The following OR4K1 variants were observed in gnomAD, a reference collection of about 807,000 sequenced individuals.
The protein encoded by OR4K1 is olfactory receptor 4K1.
Under a neutral mutation model 14.4 loss-of-function variants are expected in OR4K1, and 16 were observed. That is an observed-to-expected ratio of 1.11 (90% CI 0.75 to 1.68). The LOEUF (loss-of-function observed/expected upper bound fraction) is 1.68, where lower values mean the gene tolerates loss of function less well. OR4K1 is among the 40% of genes most tolerant of loss of function. The pLI is 0.00. For synonymous variants in OR4K1, 181 were observed against 133.1 expected (o/e 1.36, Z -2.48); for missense variants, 548 against 376.9 (o/e 1.45, Z -3.76).
the OR4K1 span, chr14:19,921,279 G>C: frequency 6.2e-7 from 1 of 1,614,136 alleles, no homozygotes; most frequent in South Asian, 1.1e-5. Flanking sequence ...TCTTGTTACA[G>C]TTTGGCTCAA....
the OR4K1 span, chr14:19,921,345 G>C: frequency 6.2e-7 from 1 of 1,614,150 alleles, no homozygotes; most frequent in African/African-American, 1.3e-5. Flanking sequence ...TATTGCAGTA[G>C]TAATATTATT....
At chr14:19,927,209 G>C (rs1566499970), upstream of OR4K1, among the ~76,000 whole-genome samples, 1 of 152,240 alleles carries the variant, frequency 6.6e-6, no homozygotes, top group Non-Finnish European at 1.5e-5. Flanking sequence ...TCATGAGAGA[G>C]TTTCTACGGA....
the OR4K1 span, chr14:19,920,871 C>A: frequency 6.2e-7 from 1 of 1,614,192 alleles, no homozygotes; most frequent in Non-Finnish European, 8.5e-7. Flanking sequence ...TCTGAGTGCA[C>A]ACGAGACCAT....
At chr14:19,921,655 T>C in the OR4K1 span, 2 of 1,405,328 alleles carry the variant, frequency 1.4e-6, no homozygotes, top group Non-Finnish European at 1.9e-6. Flanking sequence ...ATCTCAATTG[T>C]GGGGAAAGTA....
At position 19,936,099 on chromosome 14, in the gene OR4K1, G is replaced by T. The variant is rs781399906; in HGVS notation, c.433G>T (p.Val145Leu). 5 of 1,614,226 alleles carry T rather than the reference G, an allele frequency of 3.1e-6. No individual in the cohort carries two copies. Among genetic ancestry groups the T allele is most frequent in the Non-Finnish European group, 4.2e-6 (5 of 1,180,040 alleles). Reference sequence around the variant, plus strand: ...GAACCGGAGGCTCTGTGTAATTTTTGTGTCTATTTCCTGGGCGGTGGGCGT... The same window carrying T: ...GAACCGGAGGCTCTGTGTAATTTTTTTGTCTATTTCCTGGGCGGTGGGCGT... The part of the protein sequence containing the change: ...IMNRRLCVIF[V>L]SISWAVGVLH... The change falls in exon 2 of 2, where the codon GTG (valine) becomes TTG (leucine). Residue 145 changes from valine to leucine, a missense_variant. By Grantham distance (32) the Val-to-Leu change is conservative (BLOSUM62 1). Transcript: ENST00000641172.
Position 19,936,734 on chromosome 14 carries a change from G to A in OR4K1, c.*132G>A, listed in dbSNP as rs1467475223. The stretch of plus-strand genomic sequence containing the variant: ...AATTGGCTTTTTGTTTTAAGTGCAA[G>A]GGAATTGCATCAAGTCAGTCTCTGG... On this transcript the variant is annotated 3_prime_UTR_variant, in exon 2 of 2. Coordinates refer to ENST00000641172, the MANE Select transcript of OR4K1 (RefSeq NM_001004063.3). 2.9e-6 allele frequency: 2 copies of A among 678,910 alleles called. No individual in the cohort carries two copies. The highest frequency in any genetic ancestry group is 1.8e-5 in the African/African-American group (1 of 54,418). The allele number at this position is 678,910 out of a possible 1,614,324, so 42.1% of individuals were successfully genotyped here.
Position 19,935,916 on chromosome 14 carries a change from G to A in OR4K1, c.250G>A (p.Asp84Asn). Residue 84 changes from aspartate to asparagine, a missense_variant, in exon 2 of 2, where the codon GAC becomes AAC. Asp to Asn is a conservative substitution (Grantham distance 23). Transcript: ENST00000641172. ...SNFATPKMLVDFFIERKTISF... is the reference protein window; with the variant it reads ...SNFATPKMLVNFFIERKTISF... ...CTTTGCCACCCCCAAGATGCTTGTA[G>A]ACTTTTTTATTGAGCGCAAGACTAT... 3 of 1,614,192 alleles carry A rather than the reference G, an allele frequency of 1.9e-6. No individual in the cohort carries two copies. The highest frequency in any genetic ancestry group is 2.5e-6 in the Non-Finnish European group (3 of 1,180,030).
At chr14:19,920,776 C>T in the OR4K1 span, 1 of 1,614,192 alleles carries the variant, frequency 6.2e-7, no homozygotes, top group Non-Finnish European at 8.5e-7. Flanking sequence ...AGCCTGCACT[C>T]CCCTATGTAC....
chr14:19,929,041 C>T (rs1003929932), upstream of OR4K1, among the ~76,000 whole-genome samples: 8 of 151,856 alleles, frequency 5.3e-5, no homozygotes, highest in African/African-American at 1.9e-4. Context: ...TCTTTAACAT[C>T]ATGCTTTAGA....
At chr14:19,929,886 C>T (rs1882148333), upstream of OR4K1, among the ~76,000 whole-genome samples, 1 of 152,190 alleles carries the variant, frequency 6.6e-6, no homozygotes, top group Non-Finnish European at 1.5e-5. Flanking sequence ...CCTTAAGATG[C>T]TAAATTAGGC....
rs760190972 is a variant in OR4K1 at position 19,936,487 on chromosome 14, T to C, written c.821T>C (p.Phe274Ser). 3 of 1,613,880 alleles carry C rather than the reference T, an allele frequency of 1.9e-6. No individual in the cohort carries two copies. The highest frequency in any genetic ancestry group is 1.7e-6 in the Non-Finnish European group (2 of 1,180,038). The change falls in exon 2 of 2, where the codon TTC becomes TCC. Residue 274 changes from phenylalanine to serine, a missense_variant. By Grantham distance (155) the Phe-to-Ser change is radical. Transcript: ENST00000641172. ...RLPVDKFLSV[F>S]YTVCTPLLNP... ...CCTGTGGACAAATTTCTTTCTGTGT[T>C]CTACACTGTTTGTACTCCCTTGTTG...
chr14:19,925,340 T>G, the OR4K1 span, among the ~76,000 whole-genome samples: 1 of 152,212 alleles, frequency 6.6e-6, no homozygotes, highest in African/African-American at 2.4e-5. Flanking sequence ...AATTTTCAGC[T>G]ATTTCTCTCA....
At position 19,931,079 on chromosome 14, in the gene OR4K1, C is replaced by T. The variant is rs989281438; in HGVS notation, c.-86C>T. 6.6e-6 allele frequency: 1 copy of T among 152,316 alleles called. No homozygotes were observed. Among genetic ancestry groups the T allele is most frequent in the East Asian group, 1.9e-4 (1 of 5,208 alleles). 9.4% of individuals were successfully genotyped at this position (152,316 alleles called of 1,614,324 possible). A position where few individuals can be genotyped will look rare whatever the true frequency, so the allele number is the denominator to read the frequency against. ...CATAGCAGAAAGTGGGAAATGGAAACAAACCAGAGGACACCAAACTGGGAA... is the reference window on the plus strand; with the variant it reads ...CATAGCAGAAAGTGGGAAATGGAAATAAACCAGAGGACACCAAACTGGGAA... On this transcript the variant is annotated 5_prime_UTR_variant, in exon 1 of 2. Transcript: ENST00000641172.
upstream of OR4K1, among the ~76,000 whole-genome samples, chr14:19,927,687 GACCACATCC>G (rs1241408264): frequency 6.6e-6 from 1 of 152,352 alleles, no homozygotes; most frequent in East Asian, 1.9e-4. Context: ...TCTGCAGAAA[GACCACATCC>G]ATTTGGTGGC....
At chr14:19,920,848 T>A in the OR4K1 span, 1 of 1,614,098 alleles carries the variant, frequency 6.2e-7, no homozygotes, top group East Asian at 2.2e-5. Context: ...ACCCCTAAAA[T>A]GATTGCAGAT....
upstream of OR4K1, among the ~76,000 whole-genome samples, chr14:19,930,558 G>A (rs1244373309): frequency 6.6e-6 from 1 of 152,202 alleles, no homozygotes; most frequent in East Asian, 1.9e-4. Context: ...GGCTCCTTGT[G>A]ATTGGAGGAA....
chr14:19,933,142 G>T (rs1882223705), intron 1 of OR4K1, among the ~76,000 whole-genome samples: 1 of 151,376 alleles, frequency 6.6e-6, no homozygotes, highest in Non-Finnish European at 1.5e-5. Flanking sequence ...AATTATAATG[G>T]TTCATTATTA....
rs1046172965 is a variant in OR4K1, at chr14:19,936,047, T to A, written c.381T>A (p.Cys127Ter). The change falls in exon 2 of 2, where the codon TGT (cysteine) becomes TGA (stop). Residue 127 changes from cysteine to a stop codon, truncating the protein, a stop_gained. Transcript: ENST00000641172. LOFTEE classifies it high-confidence loss of function. Reference sequence around the variant, plus strand: ...CATATGACAGATTTATAGCCATATGTAAGCCTCTGCACTACAGTACAATTA... The same window carrying A: ...CATATGACAGATTTATAGCCATATGAAAGCCTCTGCACTACAGTACAATTA... Reference protein sequence around the residue: ...AMAYDRFIAICKPLHYSTIMN... With the variant: ...AMAYDRFIAI 6.2e-7 allele frequency: 1 copy of A among 1,614,276 alleles called. No individual in the cohort carries two copies. The highest frequency in any genetic ancestry group is 2.2e-5 in the East Asian group (1 of 44,892).
At chr14:19,921,651 A>T in the OR4K1 span, 118 of 1,422,496 alleles carry the variant, frequency 8.3e-5, no homozygotes, top group Middle Eastern at 9.3e-4. Context: ...GTGTATCTCA[A>T]TTGTGGGGAA....
Sources: allele counts gnomAD v4.1 joint callset (sites outside exome capture counted in the v4.1 genomes callset), GRCh38; gene constraint gnomAD v4.1.1; transcripts MANE v1.5; gene names NCBI Gene and HGNC (gene_info 2026-07-23, HGNC 2026-07-21).